Variants in MOSMO observed in about 807,000 individuals in gnomAD.
MOSMO encodes the protein modulator of smoothened protein.
A neutral mutation model predicts 18.4 loss-of-function variants in MOSMO; 5 were observed. That is an observed-to-expected ratio of 0.27 (90% confidence interval 0.14 to 0.57). The LOEUF (loss-of-function observed/expected upper bound fraction) is 0.57. MOSMO is among the 20% of genes least tolerant of loss of function. The pLI is 0.92. For missense variants in MOSMO, 138 were observed against 211.8 expected, an observed-to-expected ratio of 0.65 and a Z score of 2.16; for synonymous variants, 82 against 82.3, an observed-to-expected ratio of 1.00 and a Z score of 0.02.
intron 1 of MOSMO, among the ~76,000 whole-genome samples, chr16:22,025,000 T>G (rs1899847206): frequency 6.6e-6 from 1 of 151,858 alleles, no homozygotes; most frequent in Non-Finnish European, 1.5e-5. Context: ...CATTTTTTTT[T>G]TTAATTGCTA....
At chr16:22,011,342 T>G (rs1013016882) in intron 1 of MOSMO, among the ~76,000 whole-genome samples, 1 of 152,244 alleles carries the variant, frequency 6.6e-6, no homozygotes, top group African/African-American at 2.4e-5. Context: ...ATGTGAAGGC[T>G]TCATTCAAGG....
intron 1 of MOSMO, among the ~76,000 whole-genome samples, chr16:22,037,288 C>G (rs138579455): frequency 8.5e-5 from 13 of 152,138 alleles, no homozygotes; most frequent in African/African-American, 3.1e-4. Flanking sequence ...GAAAACGAAA[C>G]AAAAATTTGA....
At chr16:22,029,984 T>C (rs1458728449) in intron 1 of MOSMO, among the ~76,000 whole-genome samples, 1 of 152,176 alleles carries the variant, frequency 6.6e-6, no homozygotes, top group Non-Finnish European at 1.5e-5. Context: ...AATAATAGTC[T>C]CAAAATATTG....
chr16:22,021,713 T>C (rs1378153790), intron 1 of MOSMO, among the ~76,000 whole-genome samples: 1 of 151,776 alleles, frequency 6.6e-6, no homozygotes, highest in Non-Finnish European at 1.5e-5. Flanking sequence ...TGGGAGGATC[T>C]CATGAGCCTG....
intron 1 of MOSMO, among the ~76,000 whole-genome samples, chr16:22,035,312 A>G (rs529332895): frequency 3.7e-4 from 57 of 152,072 alleles, no homozygotes; most frequent in African/African-American, 1.1e-3. Context: ...GTTTCTTTTC[A>G]GGCACGCCTT....
intron 1 of MOSMO, among the ~76,000 whole-genome samples, chr16:22,026,650 C>A (rs913045103): frequency 6.6e-6 from 1 of 151,966 alleles, no homozygotes; most frequent in South Asian, 2.1e-4. Flanking sequence ...CGTGAAATAG[C>A]GGAAATGAGT....
chr16:22,022,392 C>T (rs1466812229), intron 1 of MOSMO, among the ~76,000 whole-genome samples: 1 of 152,132 alleles, frequency 6.6e-6, no homozygotes, highest in Non-Finnish European at 1.5e-5. Flanking sequence ...CTTCTTCCAG[C>T]TCAGTGCACT....
At chr16:22,072,864 C>T (rs553621172) in intron 1 of MOSMO, among the ~76,000 whole-genome samples, 3 of 150,192 alleles carry the variant, frequency 2.0e-5, no homozygotes, top group Non-Finnish European at 4.4e-5. Context: ...TTCTGTTTGT[C>T]GATTAGCATT....
At chr16:22,009,072 G>A (rs1472505892) in intron 1 of MOSMO, among the ~76,000 whole-genome samples, 1 of 152,156 alleles carries the variant, frequency 6.6e-6, no homozygotes, top group Non-Finnish European at 1.5e-5. Context: ...CTGCACCGCC[G>A]CCCCCGCCCA....
chr16:22,077,257 G>A (rs1900988098), intron 2 of MOSMO, among the ~76,000 whole-genome samples: 1 of 152,142 alleles, frequency 6.6e-6, no homozygotes, highest in Admixed American at 6.5e-5. Context: ...GCTCTCATGA[G>A]CTATAGATTC....
At chr16:22,018,360 G>A (rs1479468454) in intron 1 of MOSMO, among the ~76,000 whole-genome samples, 2 of 152,046 alleles carry the variant, frequency 1.3e-5, no homozygotes, top group Non-Finnish European at 2.9e-5. Context: ...AATAATAGAA[G>A]TTCTTTTCAA....
In MOSMO at chr16:22,016,247, A is replaced by C. The variant is rs555667647; in HGVS notation, c.106+7840A>C. On this transcript the variant is annotated intron_variant, in intron 1 of 2. Coordinates refer to ENST00000542527, the MANE Select transcript of MOSMO (RefSeq NM_001164579.2). The stretch of plus-strand genomic sequence containing the variant: ...GATTTTTCAGCTATAAAATGGAGAC[A>C]ATACATTTACCTCAAAGGATAGTTG... Among the ~76,000 whole-genome samples, 7 of 152,360 alleles carry C rather than the reference A, an allele frequency of 4.6e-5. No individual in the cohort carries two copies. The East Asian group carries it at 7.7e-4, about 17-fold the overall frequency.
intron 1 of MOSMO, among the ~76,000 whole-genome samples, chr16:22,040,168 T>C (rs192153891): frequency 3.9e-5 from 6 of 151,972 alleles, no homozygotes; most frequent in East Asian, 1.9e-4. Flanking sequence ...ATAAGAAAAA[T>C]TGAAAACCAA....
chr16:22,089,979 A>C (rs1901265279), downstream of MOSMO: 1 of 150,244 alleles, frequency 6.7e-6, no homozygotes, highest in Admixed American at 6.6e-5. Flanking sequence ...CTTTGGTTTC[A>C]AAAAAAAAGG....
chr16:22,092,471 G>T (rs765173417), downstream of MOSMO: 6 of 735,408 alleles, frequency 8.2e-6, no homozygotes, highest in East Asian at 1.6e-4. Flanking sequence ...TCCCTGCCCC[G>T]AGCTGCAGTG....
Position 22,018,248 on chromosome 16 carries a change from TG to T in MOSMO, c.106+9844del, listed in dbSNP as rs1899681297. On this transcript the variant is annotated intron_variant, in intron 1 of 2. Coordinates refer to ENST00000542527, the MANE Select transcript of MOSMO (RefSeq NM_001164579.2). ...AAACAGGAGTAGAAAAAAATGCAGT[TG>T]GGTGGGTCAAGTAAGAAAAAGGAAG... Among the ~76,000 whole-genome samples, 3 of 152,294 alleles carry T rather than the reference TG, an allele frequency of 2.0e-5. No individual in the cohort carries two copies. In the South Asian group the frequency reaches 6.2e-4, roughly 32 times the overall value.
At chr16:22,036,733 T>C (rs948491105) in intron 1 of MOSMO, among the ~76,000 whole-genome samples, 21 of 152,216 alleles carry the variant, frequency 1.4e-4, no homozygotes, top group African/African-American at 4.3e-4. Flanking sequence ...ATTACAGGTG[T>C]AATTCTATAC....
intron 1 of MOSMO, among the ~76,000 whole-genome samples, chr16:22,053,358 TTAC>T (rs1307022999): frequency 6.6e-6 from 1 of 152,142 alleles, no homozygotes; most frequent in Non-Finnish European, 1.5e-5. Context: ...TATTTTATAT[TTAC>T]TAATTATTAA....
At position 22,080,719 on chromosome 16, in the gene MOSMO, C is replaced by T; in HGVS notation, c.343C>T (p.Leu115=). 1 of 1,496,918 alleles carries T rather than the reference C, an allele frequency of 6.7e-7. No individual in the cohort carries two copies. The allele number at this position is 1,496,918 out of a possible 1,614,324, so 92.7% of individuals were successfully genotyped here. Residue 115 remains leucine, a synonymous_variant, in exon 3 of 3, where the codon CTA becomes TTA. Coordinates refer to ENST00000542527, the MANE Select transcript of MOSMO (RefSeq NM_001164579.2). ...AGTGATCCTTTTCTGTATGGCTGCC[C>T]TAATATTTCCAATAGGATTTTACAT... is the stretch of plus-strand genomic sequence containing the variant. The part of the protein sequence containing the change: ...TGMILFCMAA[L]IFPIGFYINE...
Sources: allele counts gnomAD v4.1 joint callset (sites outside exome capture counted in the v4.1 genomes callset), GRCh38; gene constraint gnomAD v4.1.1; transcripts MANE v1.5; gene names NCBI Gene and HGNC (gene_info 2026-07-23, HGNC 2026-07-21).